BTBD1: variants seen among roughly 807,000 people sequenced by gnomAD.
BTBD1 encodes the protein BTB/POZ domain-containing protein 1.
A neutral mutation model predicts 48.0 loss-of-function variants in BTBD1; 34 were observed. The ratio of observed to expected loss-of-function variants is 0.71; its 90% confidence interval spans 0.54 to 0.94. The LOEUF (loss-of-function observed/expected upper bound fraction) is 0.94. Among genes scored for constraint, BTBD1 ranks in the 40% least tolerant of loss-of-function variants. The pLI, the probability that BTBD1 is intolerant of heterozygous loss-of-function variation, is 0.00. For synonymous variants in BTBD1, 261 were observed against 242.1 expected, an observed-to-expected ratio of 1.08 and a Z score of -0.72; for missense variants, 543 against 625.6, an observed-to-expected ratio of 0.87 and a Z score of 1.41.
At chr15:83,025,385 T>C (rs981522138) in intron 5 of BTBD1, among the ~76,000 whole-genome samples, 9 of 136,184 alleles carry the variant, frequency 6.6e-5, no homozygotes, top group African/African-American at 2.4e-4. Flanking sequence ...AAAAAAGAAT[T>C]TTGCCAAGCC....
chr15:83,065,965 G>C (rs1567115412), intron 1 of BTBD1, among the ~76,000 whole-genome samples: 2 of 152,054 alleles, frequency 1.3e-5, no homozygotes, highest in Non-Finnish European at 2.9e-5. Flanking sequence ...CCTGGGTCTT[G>C]ACAACTAATA....
chr15:83,033,736 C>A (rs2032568438), intron 4 of BTBD1, among the ~76,000 whole-genome samples: 1 of 152,028 alleles, frequency 6.6e-6, no homozygotes, highest in Non-Finnish European at 1.5e-5. Flanking sequence ...TACCACCACT[C>A]CAGGCTAATT....
intron 3 of BTBD1, among the ~76,000 whole-genome samples, chr15:83,042,360 ATATATATATATATATATGTATG>A (rs1258589343): frequency 1.6e-5 from 2 of 122,384 alleles, no homozygotes; most frequent in African/African-American, 3.2e-5. Context: ...ATATATATAT[ATATATATATATATATATGTATG>A]TATATATTTT....
chr15:83,042,348 T>TTATA (rs61294242), intron 3 of BTBD1, among the ~76,000 whole-genome samples: 9,878 of 109,522 alleles, frequency 0.09, 747 homozygotes, highest in Admixed American at 0.15. Flanking sequence ...TTAGGCAATT[T>TTATA]TATATATATA....
At chr15:83,052,050 A>G (rs1255706882) in intron 2 of BTBD1, among the ~76,000 whole-genome samples, 1 of 152,018 alleles carries the variant, frequency 6.6e-6, no homozygotes. Context: ...TCTACCTCCC[A>G]GGTTCAAGGG....
At chr15:83,018,265 A>C in intron 7 of BTBD1, 40 bp from the exon 8 acceptor site, 1 of 1,456,698 alleles carries the variant, frequency 6.9e-7, no homozygotes, top group Non-Finnish European at 9.2e-7. Context: ...TTTTCATTTA[A>C]TAAGCACTCA....
At chr15:83,028,962 T>C (rs1488535944) in intron 5 of BTBD1, among the ~76,000 whole-genome samples, 5 of 152,182 alleles carry the variant, frequency 3.3e-5, no homozygotes, top group African/African-American at 2.4e-5. Context: ...CTATTTACTT[T>C]CTCTTTTCTT....
chr15:83,062,553 G>A (rs2033193432), intron 1 of BTBD1, among the ~76,000 whole-genome samples: 1 of 152,196 alleles, frequency 6.6e-6, no homozygotes, highest in Non-Finnish European at 1.5e-5. Flanking sequence ...GGATTTTCCT[G>A]AAATTTAAGT....
rs747131912 is a variant in BTBD1 at position 83,064,859 on chromosome 15, T to TC, written c.401+1891dup. ...ATGACCTGGATTTTAGCTTTTGAGG[T>TC]CCCCCCCCTTTATAAATGTAACTGA... On this transcript the variant is annotated intron_variant, in intron 1 of 7. Transcript: ENST00000261721. Among the ~76,000 whole-genome samples, 94 of 151,228 alleles carry TC rather than the reference T, an allele frequency of 6.2e-4. 1 individual carries two copies. The East Asian group carries it at 8.7e-3, about 14-fold the overall frequency.
chr15:83,062,331 A>G (rs1176679468), intron 1 of BTBD1, among the ~76,000 whole-genome samples: 2 of 152,200 alleles, frequency 1.3e-5, no homozygotes, highest in Non-Finnish European at 2.9e-5. Context: ...AGAGGCAGGT[A>G]AAATTTTCAG....
intron 5 of BTBD1, among the ~76,000 whole-genome samples, chr15:83,023,338 C>A (rs1383640076): frequency 6.6e-6 from 1 of 152,042 alleles, no homozygotes; most frequent in East Asian, 1.9e-4. Flanking sequence ...GGAATAAATT[C>A]CTAGAACTGC....
At chr15:83,034,126 T>A (rs1391747868) in intron 4 of BTBD1, among the ~76,000 whole-genome samples, 1 of 149,912 alleles carries the variant, frequency 6.7e-6, no homozygotes, top group Non-Finnish European at 1.5e-5. Context: ...AAAAGAAAGT[T>A]TAATAGACTA....
intron 2 of BTBD1, 127 bp from the exon 3 acceptor site, chr15:83,050,305 C>A: frequency 5.4e-6 from 3 of 551,492 alleles, no homozygotes; most frequent in Non-Finnish European, 9.5e-6. Flanking sequence ...TTAAAATACA[C>A]GCAATAATGT....
chr15:83,026,517 CTTTTTT>C (rs563990083), intron 5 of BTBD1, among the ~76,000 whole-genome samples: 16 of 88,290 alleles, frequency 1.8e-4, no homozygotes, highest in Non-Finnish European at 2.7e-4. Flanking sequence ...TTTTTTAGTG[CTTTTTT>C]TTTTTTTTTT....
chr15:83,044,870 A>C, intron 3 of BTBD1: 1 of 720,256 alleles, frequency 1.4e-6, no homozygotes, highest in South Asian at 1.6e-5. Flanking sequence ...TACTGTGTTC[A>C]ATTATCTTTA....
intron 4 of BTBD1, among the ~76,000 whole-genome samples, chr15:83,032,969 C>CAAAAAAA (rs56152195): frequency 0.037 from 3,189 of 86,758 alleles, 130 homozygotes; most frequent in Non-Finnish European, 0.057. Flanking sequence ...TACTCTGTCT[C>CAAAAAAA]AAAAAAAAAA....
chr15:83,054,563 C>CTTT (rs1178762435), intron 2 of BTBD1, among the ~76,000 whole-genome samples: 9 of 130,428 alleles, frequency 6.9e-5, no homozygotes, highest in African/African-American at 1.1e-4. Flanking sequence ...AACATTTTTT[C>CTTT]TTTTTTTTTT....
rs1051125759 is a variant in BTBD1 at position 83,041,369 on chromosome 15, T to A, written c.862+359A>T. Among the ~76,000 whole-genome samples, 42 of 142,644 alleles carry A rather than the reference T, an allele frequency of 2.9e-4. 2 individuals are homozygous for A. The highest frequency in any genetic ancestry group is 6.2e-5 in the Non-Finnish European group (4 of 64,376). 93.6% of individuals were successfully genotyped at this position (142,644 alleles called of 152,430 possible). A position where few individuals can be genotyped will look rare whatever the true frequency, so the allele number is the denominator to read the frequency against. On this transcript the variant is annotated intron_variant, in intron 4 of 7. Coordinates refer to ENST00000261721, the MANE Select transcript of BTBD1 (RefSeq NM_025238.4). ...CTCTGGCGCAGGGAGACTGATAGAA[T>A]TTTTTTTTTTTTTTGAGATGGAGTC... is the stretch of plus-strand genomic sequence containing the variant.
intron 4 of BTBD1, among the ~76,000 whole-genome samples, chr15:83,039,533 G>T (rs2151305936): frequency 6.6e-6 from 1 of 152,230 alleles, no homozygotes; most frequent in African/African-American, 2.4e-5. Flanking sequence ...AGCACTCTGG[G>T]AGGCTGAGGC....
Sources: gnomAD v4.1 joint callset for allele counts (sites outside exome capture counted in the v4.1 genomes callset) on GRCh38, gnomAD v4.1.1 for gene constraint, MANE v1.5 for transcripts, NCBI Gene and HGNC (gene_info 2026-07-23, HGNC 2026-07-21) for gene names.